SEPTIN6: variants seen among roughly 807,000 people sequenced by gnomAD.
SEPTIN6 encodes septin 6.
A neutral mutation model predicts 33.6 loss-of-function variants in SEPTIN6; 8 were observed. The observed-to-expected ratio is 0.24, with a 90% CI of 0.14 to 0.43. The LOEUF (loss-of-function observed/expected upper bound fraction) is 0.43. SEPTIN6 is among the 20% of genes least tolerant of loss of function. SEPTIN6 has a pLI of 1.00. For missense variants in SEPTIN6, 250 were observed against 340.8 expected (o/e 0.73, Z 2.10); for synonymous variants, 131 against 140.0 (o/e 0.94, Z 0.45).
intron 1 of SEPTIN6, among the ~76,000 whole-genome samples, chrX:119,689,040 T>C (rs923849982): frequency 9.0e-6 from 1 of 111,455 alleles, no homozygotes; most frequent in Non-Finnish European, 1.9e-5. Flanking sequence ...TGAAGACAGT[T>C]GCTCTGAGAC....
chrX:119,616,989 C>A lies in SEPTIN6; in HGVS notation c.*3104G>T. ...ATTAAAAACAAGCACATATTAACAG[C>A]CACATGTGAATGCCAAATGATTAAA... On this transcript the variant is annotated 3_prime_UTR_variant, in exon 11 of 11. Transcript: ENST00000394610. The A allele has an allele frequency of 2.0e-6, 2 of 1,015,897 alleles. No individual in the cohort carries two copies. The highest frequency in any genetic ancestry group is 2.5e-6 in the Non-Finnish European group (2 of 799,269). The allele number at this position is 1,015,897 out of a possible 1,213,427, so 83.7% of individuals were successfully genotyped here. A position where few individuals can be genotyped will look rare whatever the true frequency, so the allele number is the denominator to read the frequency against.
chrX:119,675,051 A>AG (rs904077799), intron 2 of SEPTIN6, among the ~76,000 whole-genome samples: 2 of 110,652 alleles, frequency 1.8e-5, no homozygotes, highest in African/African-American at 6.6e-5. Context: ...CAAAAAAAAA[A>AG]AAGTCTAGGC....
At chrX:119,622,201 ATG>A (rs2053779904) in intron 10 of SEPTIN6, among the ~76,000 whole-genome samples, 1 of 111,824 alleles carries the variant, frequency 8.9e-6, no homozygotes, top group Non-Finnish European at 1.9e-5. Context: ...ACGTATTTTG[ATG>A]TGTGTATACT....
intron 2 of SEPTIN6, among the ~76,000 whole-genome samples, chrX:119,675,293 C>T (rs1221830038): frequency 1.8e-5 from 2 of 111,109 alleles, no homozygotes; most frequent in Non-Finnish European, 3.8e-5. Context: ...CCAGCCAGCT[C>T]CCTTACAGAA....
At chrX:119,646,612 T>C (rs752062374) in intron 5 of SEPTIN6, 34 of 122,557 alleles carry the variant, frequency 2.8e-4, no homozygotes, top group Middle Eastern at 1.3e-3. Context: ...CCACCCATAA[T>C]TCAAGGTGGT....
intron 2 of SEPTIN6, among the ~76,000 whole-genome samples, chrX:119,664,554 G>A (rs922917236): frequency 2.7e-5 from 3 of 110,190 alleles, no homozygotes; most frequent in Non-Finnish European, 3.8e-5. Context: ...GTGGCCAGGC[G>A]TGGTGGCTCA....
intron 9 of SEPTIN6, chrX:119,628,989 T>C (rs2053909356): frequency 5.0e-6 from 1 of 199,616 alleles, no homozygotes; most frequent in Admixed American, 6.8e-5. Flanking sequence ...AATTTTTTTC[T>C]TCCCTTCTGC....
chrX:119,650,180 C>T, intron 4 of SEPTIN6, 82 bp from the exon 5 acceptor site: 1 of 986,702 alleles, frequency 1.0e-6, no homozygotes, highest in Non-Finnish European at 1.4e-6. Context: ...CCACCAGCTG[C>T]CAGAGGGAGC....
chrX:119,669,470 A>G (rs1267632167), intron 2 of SEPTIN6, among the ~76,000 whole-genome samples: 2 of 112,377 alleles, frequency 1.8e-5, no homozygotes, highest in African/African-American at 6.5e-5. Flanking sequence ...AAGGAAGCCT[A>G]TGGAAAGGGA....
intron 8 of SEPTIN6, among the ~76,000 whole-genome samples, chrX:119,630,375 A>G (rs994438995): frequency 1.8e-5 from 2 of 111,809 alleles, no homozygotes; most frequent in Non-Finnish European, 3.8e-5. Context: ...TGCAATCAGG[A>G]AGGATCACCA....
At chrX:119,664,563 C>T (rs1172287920) in intron 2 of SEPTIN6, among the ~76,000 whole-genome samples, 1 of 109,958 alleles carries the variant, frequency 9.1e-6, no homozygotes, top group African/African-American at 3.3e-5. Context: ...CGTGGTGGCT[C>T]ACACCTGTAA....
intron 4 of SEPTIN6, among the ~76,000 whole-genome samples, chrX:119,650,989 G>T (rs1286169190): frequency 9.0e-6 from 1 of 110,857 alleles, no homozygotes; most frequent in Non-Finnish European, 1.9e-5. Flanking sequence ...GGCTTTTACT[G>T]TCAGAAGGTA....
At chrX:119,659,532 A>G (rs1353032772) in intron 3 of SEPTIN6, among the ~76,000 whole-genome samples, 2 of 112,058 alleles carry the variant, frequency 1.8e-5, no homozygotes, top group Admixed American at 1.9e-4. Context: ...TGATTCTTCT[A>G]TCAATAAAAA....
chrX:119,675,041 C>CAAA (rs66460162), intron 2 of SEPTIN6, among the ~76,000 whole-genome samples: 1 of 94,864 alleles, frequency 1.1e-5, no homozygotes. Context: ...ACCCCCATCT[C>CAAA]AAAAAAAAAA....
At chrX:119,687,223 TTCCTTC>T (rs1438540858) in intron 1 of SEPTIN6, among the ~76,000 whole-genome samples, 1 of 108,970 alleles carries the variant, frequency 9.2e-6, no homozygotes, top group African/African-American at 3.4e-5. Context: ...TTTTCCTTCT[TTCCTTC>T]TTTCTTTCTT....
At chrX:119,692,260 G>A (rs1348116798) in intron 1 of SEPTIN6, among the ~76,000 whole-genome samples, 1 of 109,347 alleles carries the variant, frequency 9.1e-6, no homozygotes, top group Non-Finnish European at 1.9e-5. Flanking sequence ...ACCCGAGACA[G>A]ATCCTCAGAG....
chrX:119,619,725 CA>C lies in SEPTIN6; in HGVS notation c.*367del. The C allele has an allele frequency of 1.0e-6, 1 of 964,200 alleles. No individual in the cohort carries two copies. The highest frequency in any genetic ancestry group is 1.3e-6 in the Non-Finnish European group (1 of 769,954). 79.5% of individuals were successfully genotyped at this position (964,200 alleles called of 1,213,427 possible). On this transcript the variant is annotated 3_prime_UTR_variant, in exon 11 of 11. Coordinates refer to ENST00000394610, the MANE Select transcript of SEPTIN6 (RefSeq NM_145799.4). The stretch of plus-strand genomic sequence containing the variant: ...AAACTAACAGCAACCAGAACTGGAA[CA>C]GGGGAGCTGGTGGGAAAGAGTAGCA...
At chrX:119,638,979 T>C (rs1395837336) in intron 6 of SEPTIN6, among the ~76,000 whole-genome samples, 1 of 112,393 alleles carries the variant, frequency 8.9e-6, no homozygotes, top group Non-Finnish European at 1.9e-5. Flanking sequence ...CTTCTCCTCG[T>C]CTCACTTCAG....
intron 9 of SEPTIN6, among the ~76,000 whole-genome samples, chrX:119,628,511 T>G (rs1254887177): frequency 1.9e-5 from 2 of 104,060 alleles, no homozygotes; most frequent in African/African-American, 7.0e-5. Context: ...ACTCTTTTTT[T>G]TTTTTTTTTT....
Sources: allele counts gnomAD v4.1 joint callset (sites outside exome capture counted in the v4.1 genomes callset), GRCh38; gene constraint gnomAD v4.1.1; transcripts MANE v1.5; gene names NCBI Gene and HGNC (gene_info 2026-07-23, HGNC 2026-07-21).